Variants in SYNPR observed in about 807,000 individuals in gnomAD.
SYNPR encodes the protein synaptoporin.
In SYNPR, 23 loss-of-function variants were observed where a neutral mutation model predicts 32.9. The observed-to-expected ratio is 0.70, with a 90% confidence interval of 0.50 to 0.99. SYNPR has a LOEUF of 0.99. Among genes scored for constraint, SYNPR ranks in the 50% least tolerant of loss-of-function variants. The pLI is 0.00. For synonymous variants in SYNPR, 146 were observed against 135.9 expected, an observed-to-expected ratio of 1.07 and a Z score of -0.52; for missense variants, 318 against 349.3, an observed-to-expected ratio of 0.91 and a Z score of 0.71.
intron 2 of SYNPR, among the ~76,000 whole-genome samples, chr3:63,454,537 GT>G (rs1003166255): frequency 3.3e-5 from 5 of 152,076 alleles, no homozygotes; most frequent in African/African-American, 7.2e-5. Flanking sequence ...TGCATATTGA[GT>G]TTTCCATTAA....
intron 3 of SYNPR, among the ~76,000 whole-genome samples, chr3:63,512,973 G>T (rs1023652176): frequency 6.6e-6 from 1 of 152,000 alleles, no homozygotes; most frequent in Non-Finnish European, 1.5e-5. Context: ...TAGTCCTATG[G>T]TTAGCACAAT....
chr3:63,255,914 G>A (rs2086378227), intron 2 of SYNPR, among the ~76,000 whole-genome samples: 1 of 152,238 alleles, frequency 6.6e-6, no homozygotes, highest in East Asian at 1.9e-4. Context: ...GGCACACCAG[G>A]AGACTATATG....
intron 2 of SYNPR, among the ~76,000 whole-genome samples, chr3:63,447,304 G>A (rs1700295773): frequency 2.0e-5 from 3 of 152,104 alleles, no homozygotes; most frequent in African/African-American, 7.2e-5. Context: ...TTTCTTCAGA[G>A]GGGTGACTAA....
chr3:63,302,511 C>T, intron 2 of SYNPR, among the ~76,000 whole-genome samples: 1 of 152,006 alleles, frequency 6.6e-6, no homozygotes. Flanking sequence ...GGCCTGACTC[C>T]AAGTTCAGTA....
chr3:63,329,657 T>A (rs904935481), intron 2 of SYNPR, among the ~76,000 whole-genome samples: 3 of 152,026 alleles, frequency 2.0e-5, no homozygotes, highest in Non-Finnish European at 2.9e-5. Context: ...ATTGAAAGAG[T>A]CCCCTTCAAC....
At chr3:63,230,994 C>CT (rs371035162) in intron 1 of SYNPR, among the ~76,000 whole-genome samples, 246 of 152,186 alleles carry the variant, frequency 1.6e-3, no homozygotes, top group African/African-American at 5.7e-3. Flanking sequence ...AAATGCACTA[C>CT]TAGGTACCTA....
chr3:63,391,621 C>T (rs2088138046), intron 2 of SYNPR, among the ~76,000 whole-genome samples: 1 of 152,154 alleles, frequency 6.6e-6, no homozygotes. Context: ...ACATACTATA[C>T]TCAGTATCCA....
At chr3:63,552,588 G>A (rs907200084) in intron 3 of SYNPR, among the ~76,000 whole-genome samples, 1 of 152,154 alleles carries the variant, frequency 6.6e-6, no homozygotes, top group Admixed American at 6.5e-5. Flanking sequence ...CTTTAGCTGT[G>A]AGCTAAGCAT....
At chr3:63,271,644 T>C (rs188475818) in intron 3 of SYNPR, among the ~76,000 whole-genome samples, 1 of 152,180 alleles carries the variant, frequency 6.6e-6, no homozygotes, top group African/African-American at 2.4e-5. Context: ...AAAACAGAAG[T>C]AAAATTATTA....
At chr3:63,445,953 G>A (rs890843252) in intron 2 of SYNPR, among the ~76,000 whole-genome samples, 6 of 152,102 alleles carry the variant, frequency 3.9e-5, no homozygotes, top group Non-Finnish European at 8.8e-5. Flanking sequence ...GTATGTCTTT[G>A]AAACTGAAGA....
At chr3:63,250,331 TAAATAAAATA>T (rs141339931) in intron 1 of SYNPR, among the ~76,000 whole-genome samples, 2 of 151,740 alleles carry the variant, frequency 1.3e-5, no homozygotes, top group African/African-American at 2.4e-5. Context: ...ACAAGGAAAA[TAAATAAAATA>T]AAATAAAATA....
intron 2 of SYNPR, among the ~76,000 whole-genome samples, chr3:63,264,250 C>G (rs551497306): frequency 6.6e-6 from 1 of 152,212 alleles, no homozygotes; most frequent in South Asian, 2.1e-4. Flanking sequence ...AAGATTCTAT[C>G]TGATATTGGG....
intron 4 of SYNPR, among the ~76,000 whole-genome samples, chr3:63,573,933 G>A (rs764062735): frequency 1.3e-5 from 2 of 152,126 alleles, no homozygotes; most frequent in Non-Finnish European, 2.9e-5. Context: ...GCTACCAGGT[G>A]GGCCCACTGG....
intron 2 of SYNPR, among the ~76,000 whole-genome samples, chr3:63,453,448 C>G (rs1452468685): frequency 6.6e-6 from 1 of 152,034 alleles, no homozygotes; most frequent in Admixed American, 6.6e-5. Flanking sequence ...AAAAGTAGAC[C>G]TGTCAGAATG....
At chr3:63,458,444 C>T (rs145349206) in intron 2 of SYNPR, among the ~76,000 whole-genome samples, 1,873 of 152,194 alleles carry the variant, frequency 0.012, 24 homozygotes, top group African/African-American at 0.029. Context: ...TAAGGATTAG[C>T]TATGTATTGA....
At chr3:63,612,305 G>A (rs949068472) in intron 5 of SYNPR, among the ~76,000 whole-genome samples, 5 of 152,142 alleles carry the variant, frequency 3.3e-5, no homozygotes, top group African/African-American at 1.2e-4. Flanking sequence ...CTAAAATACG[G>A]TCATTCCCAA....
At chr3:63,509,922 T>C (rs1701664013) in intron 3 of SYNPR, among the ~76,000 whole-genome samples, 1 of 151,984 alleles carries the variant, frequency 6.6e-6, no homozygotes, top group Non-Finnish European at 1.5e-5. Flanking sequence ...CGAGATAGAA[T>C]TCTTTCTTCT....
At chr3:63,493,465 A>G (rs6774410) in intron 3 of SYNPR, among the ~76,000 whole-genome samples, 91,896 of 151,786 alleles carry the variant, frequency 0.61, 28,044 homozygotes, top group African/African-American at 0.67. Context: ...AGACTCTCTC[A>G]ATGATAGGTT....
chr3:63,395,050 G>C (rs1996919), intron 2 of SYNPR, among the ~76,000 whole-genome samples: 26,835 of 151,932 alleles, frequency 0.18, 3,551 homozygotes, highest in African/African-American at 0.37. Context: ...GATATTAATA[G>C]GTTTAAAAGC....
Sources: allele counts gnomAD v4.1 joint callset (sites outside exome capture counted in the v4.1 genomes callset), GRCh38; gene constraint gnomAD v4.1.1; transcripts MANE v1.5; gene names NCBI Gene and HGNC (gene_info 2026-07-23, HGNC 2026-07-21).